CPS1: variants seen among roughly 807,000 people sequenced by gnomAD.
The protein encoded by CPS1 is carbamoyl-phosphate synthase [ammonia], mitochondrial.
Under a neutral mutation model 174.6 loss-of-function variants are expected in CPS1, and 109 were observed. The ratio of observed to expected loss-of-function variants is 0.62; its 90% CI spans 0.53 to 0.73. CPS1 has a LOEUF of 0.73. Ranked by LOEUF, CPS1 falls within the 30% of genes least tolerant of loss-of-function variation. The probability of loss-of-function intolerance (pLI) is 0.00; values close to 1 mark genes in which losing one functional copy is unlikely to be tolerated. For missense variants in CPS1, 1,689 were observed against 1,821.9 expected, an observed-to-expected ratio of 0.93 and a Z score of 1.33; for synonymous variants, 637 against 632.0, an observed-to-expected ratio of 1.01 and a Z score of -0.12.
At chr2:210,511,805 A>G (rs939567024) in intron 1 of CPS1, among the ~76,000 whole-genome samples, 1 of 152,054 alleles carries the variant, frequency 6.6e-6, no homozygotes, top group African/African-American at 2.4e-5. Flanking sequence ...CTCAAAACTG[A>G]CTGAAATATT....
intron 21 of CPS1, among the ~76,000 whole-genome samples, chr2:210,632,256 G>A (rs1199753111): frequency 1.3e-5 from 2 of 152,166 alleles, no homozygotes; most frequent in Non-Finnish European, 2.9e-5. Flanking sequence ...GGAGCATAAT[G>A]TGGGCAGATA....
At chr2:210,495,809 C>A (rs967019632) in intron 1 of CPS1, among the ~76,000 whole-genome samples, 1 of 152,060 alleles carries the variant, frequency 6.6e-6, no homozygotes, top group African/African-American at 2.4e-5. Flanking sequence ...TCTTATTTGT[C>A]ACCGAGCATA....
intron 1 of CPS1, among the ~76,000 whole-genome samples, chr2:210,511,409 C>T (rs1374797417): frequency 3.3e-5 from 5 of 151,936 alleles, no homozygotes; most frequent in South Asian, 4.1e-4. Context: ...GTAGGGAGAG[C>T]ATTAGGAGAT....
chr2:210,529,912 A>C (rs548168439), intron 1 of CPS1, among the ~76,000 whole-genome samples: 1 of 152,070 alleles, frequency 6.6e-6, no homozygotes, highest in African/African-American at 2.4e-5. Context: ...AGACATTTTT[A>C]GTCAAAAGCA....
chr2:210,624,449 A>T (rs1193175691), intron 21 of CPS1, among the ~76,000 whole-genome samples: 1 of 152,112 alleles, frequency 6.6e-6, no homozygotes, highest in Non-Finnish European at 1.5e-5. Context: ...TGTACTAAAA[A>T]ATGGGGCTTA....
intron 1 of CPS1, among the ~76,000 whole-genome samples, chr2:210,506,152 A>C (rs1201043118): frequency 6.6e-6 from 1 of 152,112 alleles, no homozygotes; most frequent in Non-Finnish European, 1.5e-5. Flanking sequence ...GCAGACTGAC[A>C]CCTCACATGG....
chr2:210,535,433 A>C (rs770560219), intron 1 of CPS1, among the ~76,000 whole-genome samples: 1 of 152,136 alleles, frequency 6.6e-6, no homozygotes, highest in South Asian at 2.1e-4. Context: ...TCATGACCTC[A>C]TGTTTCATCC....
intron 17 of CPS1, among the ~76,000 whole-genome samples, chr2:210,605,623 T>C (rs1001674809): frequency 6.6e-6 from 1 of 151,738 alleles, no homozygotes; most frequent in African/African-American, 2.4e-5. Flanking sequence ...TAGAAATAAG[T>C]TTTTCAGAAA....
chr2:210,658,960 A>G (rs1700816529), intron 31 of CPS1, among the ~76,000 whole-genome samples: 1 of 152,224 alleles, frequency 6.6e-6, no homozygotes, highest in African/African-American at 2.4e-5. Flanking sequence ...AGTATAGTAT[A>G]GATGGATACG....
chr2:210,576,192 G>C (rs1697705057), intron 2 of CPS1, among the ~76,000 whole-genome samples, 154 bp from the exon 3 acceptor site: 1 of 152,012 alleles, frequency 6.6e-6, no homozygotes, highest in South Asian at 2.1e-4. Context: ...TTTATATTCT[G>C]TCATAACATT....
At position 210,639,238 on chromosome 2, in the gene CPS1, A is replaced by T. The variant is rs781207678; in HGVS notation, c.2895+23A>T. 5 of 1,559,472 alleles carry T rather than the reference A, an allele frequency of 3.2e-6. No individual in the cohort carries two copies. In the South Asian group the frequency reaches 5.6e-5, roughly 17 times the overall value. Reference sequence around the variant, plus strand: ...CAGGTAGGAATGGGCAAATTGGCCTATCCAGAAAGCTCTAGATTTCATAGA... The same window carrying T: ...CAGGTAGGAATGGGCAAATTGGCCTTTCCAGAAAGCTCTAGATTTCATAGA... On this transcript the variant is annotated intron_variant, in intron 23 of 37. Coordinates refer to ENST00000233072, the MANE Select transcript of CPS1 (RefSeq NM_001875.5).
At chr2:210,561,714 C>T (rs1392820113) in intron 1 of CPS1, among the ~76,000 whole-genome samples, 1 of 152,160 alleles carries the variant, frequency 6.6e-6, no homozygotes, top group Non-Finnish European at 1.5e-5. Flanking sequence ...GGGCCAAGGT[C>T]AAAGTTTGTG....
At chr2:210,676,303 T>C (rs1701534476) in intron 36 of CPS1, among the ~76,000 whole-genome samples, 1 of 152,188 alleles carries the variant, frequency 6.6e-6, no homozygotes, top group African/African-American at 2.4e-5. Flanking sequence ...TTGACCAGGT[T>C]TTCATGCCTT....
intron 1 of CPS1, among the ~76,000 whole-genome samples, chr2:210,558,824 G>A (rs924007582): frequency 3.9e-5 from 6 of 152,050 alleles, no homozygotes; most frequent in Non-Finnish European, 5.9e-5. Context: ...AGCTCATGGT[G>A]ACAGATCTGT....
intron 1 of CPS1, among the ~76,000 whole-genome samples, chr2:210,509,371 G>T (rs1326325696): frequency 4.0e-5 from 6 of 151,290 alleles, no homozygotes; most frequent in Non-Finnish European, 4.4e-5. Flanking sequence ...GGTATTGATG[G>T]GACATATCTC....
At chr2:210,588,665 G>T (rs1029183884) in intron 7 of CPS1, among the ~76,000 whole-genome samples, 5 of 151,994 alleles carry the variant, frequency 3.3e-5, no homozygotes, top group African/African-American at 9.7e-5. Context: ...ATAAAGTTTT[G>T]TTAGGATTTT....
chr2:210,531,675 C>T (rs1294959210), intron 1 of CPS1, among the ~76,000 whole-genome samples: 7 of 152,054 alleles, frequency 4.6e-5, no homozygotes, highest in Admixed American at 4.6e-4. Flanking sequence ...AGATGATGTG[C>T]TTAGATTATT....
intron 2 of CPS1, among the ~76,000 whole-genome samples, chr2:210,575,068 A>G (rs1355865159): frequency 1.1e-4 from 16 of 152,052 alleles, no homozygotes. Context: ...AAAAATTATC[A>G]GTTCCTGACA....
intron 1 of CPS1, among the ~76,000 whole-genome samples, chr2:210,498,695 C>G (rs996434563): frequency 6.6e-6 from 1 of 152,128 alleles, no homozygotes; most frequent in Non-Finnish European, 1.5e-5. Flanking sequence ...AGCTGGGAAA[C>G]CTTTCTGGCC....
Sources: gnomAD v4.1 joint callset for allele counts (sites outside exome capture counted in the v4.1 genomes callset) on GRCh38, gnomAD v4.1.1 for gene constraint, MANE v1.5 for transcripts, NCBI Gene and HGNC (gene_info 2026-07-23, HGNC 2026-07-21) for gene names.